H3-3A: variants seen among roughly 807,000 people sequenced by gnomAD.
The protein encoded by H3-3A is histone H3.3.
For missense variants in H3-3A, 7 were observed against 184.0 expected, an observed-to-expected ratio of 0.04 and a Z score of 5.57; for synonymous variants, 49 against 61.4, an observed-to-expected ratio of 0.80 and a Z score of 0.95.
chr1:226,068,066 C>T (rs1657984269), intron 3 of H3-3A, among the ~76,000 whole-genome samples: 1 of 152,186 alleles, frequency 6.6e-6, no homozygotes, highest in Non-Finnish European at 1.5e-5. Context: ...TCAAAATGTC[C>T]TAAACTAATA....
chr1:226,070,674 G>A (rs1186260092), intron 3 of H3-3A, among the ~76,000 whole-genome samples: 1 of 152,078 alleles, frequency 6.6e-6, no homozygotes, highest in Admixed American at 6.6e-5. Flanking sequence ...TCGGGAGGCT[G>A]AGGCAGGAGA....
Position 226,071,490 on chromosome 1 carries a change from T to C in H3-3A, c.*11T>C, listed in dbSNP as rs373746348. The C allele has an allele frequency of 3.8e-6, 4 of 1,040,248 alleles. No individual in the cohort carries two copies. The East Asian group carries it at 7.9e-5, about 21-fold the overall frequency. The allele number at this position is 1,040,248 out of a possible 1,614,324, so 64.4% of individuals were successfully genotyped here. ...GGAGAACGTGCTTAAGAATCCACTA[T>C]GATGGGAAACATTTCATTCTCAAAA... On this transcript the variant is annotated 3_prime_UTR_variant, in exon 4 of 4. Transcript: ENST00000366815.
chr1:226,070,792 C>T (rs1458196244), intron 3 of H3-3A, among the ~76,000 whole-genome samples: 4 of 146,942 alleles, frequency 2.7e-5, no homozygotes, highest in Admixed American at 6.7e-5. Context: ...GAAAGAAATA[C>T]GGAACTAACT....
At chr1:226,068,534 T>G (rs1005437517) in intron 3 of H3-3A, among the ~76,000 whole-genome samples, 1 of 152,186 alleles carries the variant, frequency 6.6e-6, no homozygotes, top group Non-Finnish European at 1.5e-5. Flanking sequence ...TGTGAGCCCC[T>G]AAGGAGGCTA....
chr1:226,065,603 C>G, intron 2 of H3-3A, 53 bp from the exon 3 acceptor site: 1 of 1,361,988 alleles, frequency 7.3e-7, no homozygotes, highest in Non-Finnish European at 1.0e-6. Context: ...GCCCACTTAC[C>G]TTTTTGTGCT....
intron 1 of H3-3A, among the ~76,000 whole-genome samples, chr1:226,063,012 C>T (rs986249318): frequency 2.6e-5 from 4 of 151,990 alleles, no homozygotes; most frequent in African/African-American, 9.7e-5. Context: ...GCCGCCTCAG[C>T]CCAACAGCAG....
chr1:226,071,240 C>G, intron 3 of H3-3A, 111 bp from the exon 4 acceptor site: 1 of 770,456 alleles, frequency 1.3e-6, no homozygotes, highest in Admixed American at 2.4e-5. Context: ...CAGCATCTTG[C>G]CCAGTCATTT....
At chr1:226,064,680 TA>T (rs1657865246) in intron 2 of H3-3A, among the ~76,000 whole-genome samples, 1 of 152,236 alleles carries the variant, frequency 6.6e-6, no homozygotes, top group South Asian at 2.1e-4. Context: ...TGAAAACGTT[TA>T]ACTTTGAAGC....
At chr1:226,066,693 T>C (rs1657936298) in intron 3 of H3-3A, 2 of 152,206 alleles carry the variant, frequency 1.3e-5, no homozygotes, top group Non-Finnish European at 2.9e-5. Context: ...AGCATGCAGT[T>C]GGGGGTCGTT....
chr1:226,069,049 CTTTT>C (rs71574557), intron 3 of H3-3A, among the ~76,000 whole-genome samples: 1 of 141,626 alleles, frequency 7.1e-6, no homozygotes. Context: ...GTGAAAGTAC[CTTTT>C]TTTTTTTTTT....
intron 2 of H3-3A, among the ~76,000 whole-genome samples, chr1:226,064,773 T>G (rs1043487308): frequency 3.9e-5 from 6 of 152,244 alleles, no homozygotes; most frequent in Admixed American, 3.3e-4. Flanking sequence ...TAGTTAACTA[T>G]TAGTAATTCT....
chr1:226,064,176 C>T lies in H3-3A; in HGVS notation c.-23-153C>T, dbSNP rs560487611. 173 of 563,970 alleles carry T rather than the reference C, an allele frequency of 3.1e-4. No homozygotes were observed. In the East Asian group the frequency reaches 4.4e-3, roughly 14 times the overall value. 34.9% of individuals were successfully genotyped at this position (563,970 alleles called of 1,614,324 possible). On this transcript the variant is annotated intron_variant, in intron 1 of 3. Coordinates refer to ENST00000366815, the MANE Select transcript of H3-3A (RefSeq NM_002107.7). ...GTTTCAAGAAGAGATTTTGGGTAGA[C>T]GTAATCTTCACCCTTTCAAATTATA...
intron 1 of H3-3A, among the ~76,000 whole-genome samples, chr1:226,063,544 G>A (rs1032026521): frequency 1.3e-5 from 2 of 152,162 alleles, no homozygotes; most frequent in African/African-American, 4.8e-5. Flanking sequence ...ATTTTGTTCT[G>A]GTCGGGGAGC....
chr1:226,070,020 TAGG>T (rs1284182475), intron 3 of H3-3A, among the ~76,000 whole-genome samples: 1 of 152,104 alleles, frequency 6.6e-6, no homozygotes, highest in African/African-American at 2.4e-5. Context: ...TAAGTGGTAG[TAGG>T]AATAAGATAA....
intron 3 of H3-3A, among the ~76,000 whole-genome samples, chr1:226,067,615 GC>G (rs1037069563): frequency 7.9e-5 from 12 of 151,986 alleles, no homozygotes; most frequent in Admixed American, 1.3e-4. Flanking sequence ...GGTGGCAGGC[GC>G]CTATAATCCC....
chr1:226,069,385 A>C (rs1029901930), intron 3 of H3-3A, among the ~76,000 whole-genome samples: 1 of 152,156 alleles, frequency 6.6e-6, no homozygotes, highest in Non-Finnish European at 1.5e-5. Flanking sequence ...ATGCAACTAT[A>C]AGACTGTTTT....
upstream of H3-3A, chr1:226,062,180 C>A (rs1159027413): frequency 2.6e-5 from 4 of 151,584 alleles, no homozygotes; most frequent in African/African-American, 4.8e-5. Flanking sequence ...GCGACCCGGC[C>A]GACCGCGTCC....
chr1:226,062,908 C>T (rs984422077), intron 1 of H3-3A, 97 bp downstream of exon 1: 2 of 152,932 alleles, frequency 1.3e-5, no homozygotes, highest in African/African-American at 4.8e-5. Context: ...ACCCATAGCC[C>T]CTCCGGCTTA....
intron 3 of H3-3A, chr1:226,066,045 C>G (rs1657912777): frequency 1.9e-6 from 1 of 513,594 alleles, no homozygotes. Flanking sequence ...TTCCATTATA[C>G]CATTTAAAAT....
Sources: gnomAD v4.1 joint callset for allele counts (sites outside exome capture counted in the v4.1 genomes callset) on GRCh38, gnomAD v4.1.1 for gene constraint, MANE v1.5 for transcripts, NCBI Gene and HGNC (gene_info 2026-07-23, HGNC 2026-07-21) for gene names.